ZFHX3: variants seen among roughly 807,000 people sequenced by gnomAD.
The protein encoded by ZFHX3 is zinc finger homeobox 3.
In ZFHX3, 42 loss-of-function variants were observed where a neutral mutation model predicts 279.1. That is an observed-to-expected ratio of 0.15 (90% confidence interval 0.12 to 0.19). The LOEUF (loss-of-function observed/expected upper bound fraction) is 0.19. Among genes scored for constraint, ZFHX3 ranks in the 10% least tolerant of loss-of-function variants. The pLI is 1.00. For synonymous variants in ZFHX3, 2,293 were observed against 1,957.8 expected, an observed-to-expected ratio of 1.17 and a Z score of -4.52; for missense variants, 4,981 against 4,754.0, an observed-to-expected ratio of 1.05 and a Z score of -1.40.
intron 2 of ZFHX3, among the ~76,000 whole-genome samples, chr16:73,503,569 T>C (rs566009013): frequency 6.0e-4 from 92 of 152,352 alleles, no homozygotes; most frequent in African/African-American, 1.9e-3. Context: ...CTGGGTCCCA[T>C]GGCCTTCAAT....
In ZFHX3 at chr16:73,566,429, C is replaced by T. The variant is rs373081654; in HGVS notation, c.-1546-110171G>A. 9.2e-5 allele frequency among the ~76,000 whole-genome samples: 14 copies of T among 152,302 alleles called. No homozygotes were observed. In the South Asian group the frequency reaches 1.7e-3, roughly 18 times the overall value. ...AGAAGTCTGAAATCAAGGTATCAACCGGGCTGATTCCTTCTGGAGGCTCCG... is the reference window on the plus strand; with the variant it reads ...AGAAGTCTGAAATCAAGGTATCAACTGGGCTGATTCCTTCTGGAGGCTCCG... On this transcript the variant is annotated intron_variant, in intron 2 of 17. Coordinates refer to the ZFHX3 transcript ENST00000641206.
At chr16:73,298,234 T>A (rs1567443458) in intron 4 of ZFHX3, among the ~76,000 whole-genome samples, 1 of 149,644 alleles carries the variant, frequency 6.7e-6, no homozygotes, top group African/African-American at 2.5e-5. Context: ...TTTTTTTTTT[T>A]ATATGGAGCT....
rs765381340 is a variant in ZFHX3 at position 72,796,388 on chromosome 16, C to T, written c.6294G>A (p.Ser2098=). ...GCGGCATCGTCTGCATCATCAGCGG[C>T]GAGAAGATGGGCAGCTCCATCGGCA... ...LSMPMELPIF[S]PLMMQTMPLQ... Residue 2098 remains serine (S), a synonymous_variant, in exon 9 of 10, where the codon TCG becomes TCA. Coordinates refer to ENST00000268489, the MANE Select transcript of ZFHX3 (RefSeq NM_006885.4). 1.6e-5 allele frequency: 26 copies of T among 1,613,118 alleles called. No homozygotes were observed. The highest frequency in any genetic ancestry group is 1.8e-5 in the Non-Finnish European group (21 of 1,179,990).
rs527855925 is a variant in ZFHX3, at chr16:73,370,410, T to A, written c.-1290-52074A>T. Among the ~76,000 whole-genome samples the A allele has an allele frequency of 6.4e-4, 98 of 152,242 alleles. 2 individuals are homozygous for A. Among genetic ancestry groups the A allele is most frequent in the African/African-American group, 2.3e-3 (94 of 41,538 alleles). On this transcript the variant is annotated intron_variant, in intron 3 of 17. Transcript: ENST00000641206. ...AAGGTTCGAGCATATGGGAGGCAGG[T>A]TTAAGACATGTGAGAGCTTCAGGGC...
intron 2 of ZFHX3, among the ~76,000 whole-genome samples, chr16:73,477,336 A>C (rs2018781882): frequency 6.6e-6 from 1 of 152,244 alleles, no homozygotes; most frequent in Admixed American, 6.5e-5. Context: ...TTCGTGAGTA[A>C]GGAAATTCAG....
At chr16:73,384,804 C>T (rs954120026) in intron 3 of ZFHX3, among the ~76,000 whole-genome samples, 8 of 151,344 alleles carry the variant, frequency 5.3e-5, no homozygotes, top group Non-Finnish European at 1.5e-5. Context: ...ATTCCTCACC[C>T]GAAGGCAGCA....
intron 5 of ZFHX3, among the ~76,000 whole-genome samples, chr16:72,813,654 A>AC (rs2036524886): frequency 6.6e-6 from 1 of 151,874 alleles, no homozygotes; most frequent in South Asian, 2.1e-4. Context: ...CAACACACAC[A>AC]TTCATAACAG....
intron 1 of ZFHX3, among the ~76,000 whole-genome samples, chr16:73,875,609 A>G (rs993912152): frequency 6.6e-6 from 1 of 152,064 alleles, no homozygotes; most frequent in Non-Finnish European, 1.5e-5. Context: ...CTGAGATTCG[A>G]TATCAATTTT....
At chr16:73,507,465 C>G (rs952776462) in intron 2 of ZFHX3, among the ~76,000 whole-genome samples, 2 of 140,778 alleles carry the variant, frequency 1.4e-5, no homozygotes, top group African/African-American at 2.6e-5. Context: ...CCAGAAAATG[C>G]GTGAAATTCA....
At chr16:73,658,920 A>G (rs188767307) in intron 2 of ZFHX3, among the ~76,000 whole-genome samples, 1 of 152,330 alleles carries the variant, frequency 6.6e-6, no homozygotes, top group East Asian at 1.9e-4. Context: ...CGCATTATTT[A>G]CCAAGAACTA....
At chr16:72,854,701 A>G (rs2037705535) in intron 4 of ZFHX3, among the ~76,000 whole-genome samples, 1 of 152,138 alleles carries the variant, frequency 6.6e-6, no homozygotes, top group African/African-American at 2.4e-5. Context: ...CTAATATGAA[A>G]AAAGTGCAAT....
intron 1 of ZFHX3, among the ~76,000 whole-genome samples, chr16:73,005,323 A>G (rs1464126221): frequency 6.6e-6 from 1 of 151,582 alleles, no homozygotes; most frequent in Non-Finnish European, 1.5e-5. Context: ...GGTGAAACCC[A>G]GTCTCTACTA....
chr16:73,434,177 G>A (rs2017958445), intron 3 of ZFHX3, among the ~76,000 whole-genome samples: 1 of 152,206 alleles, frequency 6.6e-6, no homozygotes, highest in African/African-American at 2.4e-5. Context: ...CTCGAAAGTT[G>A]ACAAAATGCA....
At chr16:72,930,197 G>A (rs1199382674) in intron 3 of ZFHX3, among the ~76,000 whole-genome samples, 1 of 152,140 alleles carries the variant, frequency 6.6e-6, no homozygotes, top group Non-Finnish European at 1.5e-5. Flanking sequence ...CAGCTTGTGT[G>A]ACAAGAGTGA....
intron 1 of ZFHX3, among the ~76,000 whole-genome samples, chr16:73,013,967 C>T (rs938573627): frequency 8.5e-5 from 13 of 152,110 alleles, no homozygotes; most frequent in South Asian, 2.1e-4. Context: ...TTTGCAGATG[C>T]GATCAAGTGA....
intron 3 of ZFHX3, among the ~76,000 whole-genome samples, chr16:73,428,637 C>A (rs140345908): frequency 1.3e-5 from 2 of 152,226 alleles, no homozygotes; most frequent in East Asian, 3.9e-4. Flanking sequence ...ATAACTCCAT[C>A]TGTTGCCTTC....
intron 3 of ZFHX3, among the ~76,000 whole-genome samples, chr16:73,417,457 C>G (rs935791496): frequency 7.5e-6 from 1 of 132,744 alleles, no homozygotes; most frequent in Non-Finnish European, 1.5e-5. Context: ...TCTTCAAACT[C>G]CTGGGCTCAA....
chr16:73,355,792 G>A (rs1399612565), intron 3 of ZFHX3, among the ~76,000 whole-genome samples: 1 of 152,130 alleles, frequency 6.6e-6, no homozygotes, highest in East Asian at 1.9e-4. Context: ...ACTTTCCAGG[G>A]CTGTGCTGCT....
intron 1 of ZFHX3, among the ~76,000 whole-genome samples, chr16:73,840,260 G>A (rs1247763657): frequency 6.6e-6 from 1 of 152,106 alleles, no homozygotes; most frequent in African/African-American, 2.4e-5. Flanking sequence ...AAGAAAGAGG[G>A]GGCAGGAATC....
Sources: allele counts gnomAD v4.1 joint callset (sites outside exome capture counted in the v4.1 genomes callset), GRCh38; gene constraint gnomAD v4.1.1; transcripts MANE v1.5; gene names NCBI Gene and HGNC (gene_info 2026-07-23, HGNC 2026-07-21).